The following SMURF2 variants were observed in gnomAD, a reference collection of about 807,000 sequenced individuals.
The protein encoded by SMURF2 is SMAD specific E3 ubiquitin protein ligase 2.
SMURF2 carries 48 observed loss-of-function variants against 109.6 expected under a neutral mutation model. That is an observed-to-expected ratio of 0.44 (90% CI 0.35 to 0.56). The LOEUF (loss-of-function observed/expected upper bound fraction) is 0.56. SMURF2 is among the 20% of genes least tolerant of loss of function. The pLI is 0.01. For synonymous variants in SMURF2, 288 were observed against 317.1 expected (o/e 0.91, Z 0.97); for missense variants, 575 against 909.0 (o/e 0.63, Z 4.72).
At chr17:64,568,020 AT>A (rs1214857271) in intron 10 of SMURF2, among the ~76,000 whole-genome samples, 1 of 151,018 alleles carries the variant, frequency 6.6e-6, no homozygotes, top group Non-Finnish European at 1.5e-5. Context: ...CACCCAGCTA[AT>A]TTTTTTGTAT....
intron 1 of SMURF2, among the ~76,000 whole-genome samples, chr17:64,650,828 T>C (rs1970626667): frequency 6.6e-6 from 1 of 151,106 alleles, no homozygotes; most frequent in Admixed American, 6.6e-5. Context: ...AAAAACAAAA[T>C]TACCAAGTAT....
At position 64,604,549 on chromosome 17, in the gene SMURF2, T is replaced by A. The variant is rs1251542662; in HGVS notation, c.91+2053A>T. 5.9e-5 allele frequency among the ~76,000 whole-genome samples: 9 copies of A among 152,110 alleles called. No individual in the cohort carries two copies. The East Asian group carries it at 1.7e-3, about 29-fold the overall frequency. Reference sequence around the variant, plus strand: ...TATTAGAGAAGCTGTGTCTTGGGACTCGAGAGGAAGGAAATTTGAAAAGGA... The same window carrying A: ...TATTAGAGAAGCTGTGTCTTGGGACACGAGAGGAAGGAAATTTGAAAAGGA... On this transcript the variant is annotated intron_variant, in intron 2 of 18. Transcript: ENST00000262435.
At chr17:64,557,745 G>T in intron 12 of SMURF2, 23 bp from the exon 13 acceptor site, 1 of 1,429,934 alleles carries the variant, frequency 7.0e-7, no homozygotes, top group South Asian at 1.2e-5. Context: ...ATATGACCAA[G>T]GAATTTTTTT....
intron 1 of SMURF2, among the ~76,000 whole-genome samples, chr17:64,647,611 G>C (rs111985656): frequency 1.1e-4 from 16 of 152,078 alleles, no homozygotes; most frequent in Admixed American, 7.9e-4. Context: ...AACCCAGGAG[G>C]GGGAGGTTGC....
chr17:64,633,203 G>A (rs1415033214), intron 1 of SMURF2, among the ~76,000 whole-genome samples: 4 of 152,210 alleles, frequency 2.6e-5, no homozygotes, highest in South Asian at 4.1e-4. Flanking sequence ...CCAGGAGGCC[G>A]AGGCTGCAGT....
chr17:64,579,641 C>A (rs1180308666), intron 8 of SMURF2, among the ~76,000 whole-genome samples: 1 of 152,130 alleles, frequency 6.6e-6, no homozygotes, highest in African/African-American at 2.4e-5. Flanking sequence ...CTTCTCAGGT[C>A]TGAACACTGA....
At chr17:64,646,546 C>T (rs577101657) in intron 1 of SMURF2, among the ~76,000 whole-genome samples, 2 of 151,882 alleles carry the variant, frequency 1.3e-5, no homozygotes, top group South Asian at 4.2e-4. Flanking sequence ...ACACACCAGG[C>T]TAATTTTTGT....
At chr17:64,545,975 C>T in intron 18 of SMURF2, 28 bp from the exon 19 acceptor site, 1 of 1,403,620 alleles carries the variant, frequency 7.1e-7, no homozygotes, top group East Asian at 2.3e-5. Flanking sequence ...AAATTTTATA[C>T]AGTTCATTCA....
intron 1 of SMURF2, among the ~76,000 whole-genome samples, chr17:64,648,873 C>G (rs9900810): frequency 6.6e-6 from 1 of 152,108 alleles, no homozygotes; most frequent in Non-Finnish European, 1.5e-5. Context: ...TTTACTTTTC[C>G]TTATAGTTTT....
chr17:64,630,422 C>A (rs1311944677), intron 1 of SMURF2, among the ~76,000 whole-genome samples: 1 of 151,982 alleles, frequency 6.6e-6, no homozygotes, highest in Non-Finnish European at 1.5e-5. Context: ...AAATTAAATG[C>A]CACAAAAGAA....
Position 64,593,570 on chromosome 17 carries a change from A to G in SMURF2, c.204T>C (p.Tyr68=). The G allele has an allele frequency of 6.5e-7, 1 of 1,547,386 alleles. No homozygotes were observed. The highest frequency in any genetic ancestry group is 8.8e-7 in the Non-Finnish European group (1 of 1,141,714). Reference sequence around the variant, plus strand: ...TCGTAACTGAATCAGACTTTCCAATATACCTAAAAAACAAAACGGCTGCAT... The same window carrying G: ...TCGTAACTGAATCAGACTTTCCAATGTACCTAAAAAACAAAACGGCTGCAT... ...DPKWNQHYDL[Y]IGKSDSVTIS... Residue 68 remains tyrosine (Y), a synonymous_variant, in exon 4 of 19, where the codon TAT becomes TAC. Transcript: ENST00000262435.
At chr17:64,557,846 C>G (rs1555684176) in intron 12 of SMURF2, 124 bp from the exon 13 acceptor site, 1 of 574,614 alleles carries the variant, frequency 1.7e-6, no homozygotes, top group Non-Finnish European at 3.1e-6. Flanking sequence ...AAAGCACTAA[C>G]TACAGTTATA....
At chr17:64,612,405 T>C (rs1439012844) in intron 1 of SMURF2, among the ~76,000 whole-genome samples, 1 of 152,014 alleles carries the variant, frequency 6.6e-6, no homozygotes, top group Non-Finnish European at 1.5e-5. Context: ...CTGTGGCTCA[T>C]GTCTGTAATT....
rs1164717270 is a variant in SMURF2 at position 64,566,561 on chromosome 17, G to GTTTTTTTTTTT, written c.1017-3606_1017-3596dup. ...GATGTAGAAATGCTTAAGCTTTCTG[G>GTTTTTTTTTTT]TTTTTTTTTTTTTTTTTTTTTTTTT... On this transcript the variant is annotated intron_variant, in intron 10 of 18. Transcript: ENST00000262435. Among the ~76,000 whole-genome samples, 322 of 43,794 alleles carry GTTTTTTTTTTT rather than the reference G, an allele frequency of 7.4e-3. 88 individuals are homozygous for GTTTTTTTTTTT. Among genetic ancestry groups the GTTTTTTTTTTT allele is most frequent in the East Asian group, 0.026 (29 of 1,118 alleles). 28.7% of individuals were successfully genotyped at this position (43,794 alleles called of 152,430 possible).
intron 1 of SMURF2, among the ~76,000 whole-genome samples, chr17:64,643,012 A>G (rs1422429405): frequency 6.6e-6 from 1 of 151,676 alleles, no homozygotes; most frequent in Non-Finnish European, 1.5e-5. Context: ...ATCCAGGCTT[A>G]AGTTGAATTT....
intron 13 of SMURF2, among the ~76,000 whole-genome samples, chr17:64,556,350 C>A (rs1265421928): frequency 6.6e-6 from 1 of 152,102 alleles, no homozygotes; most frequent in African/African-American, 2.4e-5. Flanking sequence ...GAAAAAAAAT[C>A]TTTCAATCCT....
chr17:64,621,921 T>C (rs1970208615), intron 1 of SMURF2, among the ~76,000 whole-genome samples: 1 of 144,386 alleles, frequency 6.9e-6, no homozygotes, highest in Non-Finnish European at 1.5e-5. Context: ...ATAATAATAA[T>C]AATAAAAAGC....
chr17:64,579,373 T>C (rs893519446), intron 8 of SMURF2, among the ~76,000 whole-genome samples: 1 of 152,058 alleles, frequency 6.6e-6, no homozygotes, highest in African/African-American at 2.4e-5. Flanking sequence ...ATTACTAATA[T>C]TTATTAGTAT....
At chr17:64,603,583 GAAA>G (rs75365686) in intron 2 of SMURF2, among the ~76,000 whole-genome samples, 4,086 of 120,312 alleles carry the variant, frequency 0.034, 185 homozygotes, top group African/African-American at 0.11. Context: ...TCCGTCGGGG[GAAA>G]AAAAAAAAAA....
Sources: gnomAD v4.1 joint callset for allele counts (sites outside exome capture counted in the v4.1 genomes callset) on GRCh38, gnomAD v4.1.1 for gene constraint, MANE v1.5 for transcripts, NCBI Gene and HGNC (gene_info 2026-07-23, HGNC 2026-07-21) for gene names.